Variants in SUCLG2 observed in about 807,000 individuals in gnomAD.
The protein encoded by SUCLG2 is succinate--CoA ligase [GDP-forming] subunit beta, mitochondrial.
In SUCLG2, 42 loss-of-function variants were observed where a neutral mutation model predicts 47.9. The observed-to-expected ratio is 0.88, with a 90% CI of 0.69 to 1.14. SUCLG2 has a LOEUF of 1.14. Among genes scored for constraint, SUCLG2 ranks in the 50% most tolerant of loss-of-function variants. The pLI is 0.00. For synonymous variants in SUCLG2, 195 were observed against 197.3 expected (o/e 0.99, Z 0.10); for missense variants, 571 against 525.9 (o/e 1.09, Z -0.84).
intron 1 of SUCLG2, among the ~76,000 whole-genome samples, chr3:67,647,620 G>A (rs1279450517): frequency 6.6e-6 from 1 of 152,210 alleles, no homozygotes; most frequent in African/African-American, 2.4e-5. Context: ...TTTGATGCAC[G>A]AGGTCCAGCA....
chr3:67,474,664 AAC>A (rs1346759872), intron 9 of SUCLG2, among the ~76,000 whole-genome samples: 1 of 152,236 alleles, frequency 6.6e-6, no homozygotes, highest in Non-Finnish European at 1.5e-5. Flanking sequence ...TTTAAATTTA[AAC>A]ACACACTTTA....
chr3:67,616,896 A>T (rs995361879), intron 1 of SUCLG2, among the ~76,000 whole-genome samples: 3 of 152,232 alleles, frequency 2.0e-5, no homozygotes, highest in Non-Finnish European at 4.4e-5. Flanking sequence ...GAATACAAAC[A>T]AGGAATTAGA....
intron 9 of SUCLG2, among the ~76,000 whole-genome samples, chr3:67,421,912 T>C (rs1436916575): frequency 6.6e-6 from 1 of 152,224 alleles, no homozygotes; most frequent in Non-Finnish European, 1.5e-5. Flanking sequence ...ATTTCGGTTA[T>C]GTTGAGGAGC....
chr3:67,517,715 T>C lies in SUCLG2; in HGVS notation c.660+532A>G, dbSNP rs4076856. 4.4e-3 allele frequency among the ~76,000 whole-genome samples: 677 copies of C among 152,346 alleles called. 8 individuals are homozygous for C. The East Asian group carries it at 0.054, about 12-fold the overall frequency. ...TCAATAAAATATCAAGTTTATGCCA[T>C]CAATATTCATTTCAAATGCCCATTA... On this transcript the variant is annotated intron_variant, in intron 6 of 10. Coordinates refer to ENST00000307227, the MANE Select transcript of SUCLG2 (RefSeq NM_003848.4).
rs113717213 is a variant in SUCLG2, at chr3:67,636,657, G to C, written c.84+17846C>G. 2.7e-3 allele frequency among the ~76,000 whole-genome samples: 401 copies of C among 151,128 alleles called. 2 individuals carry two copies. The highest frequency in any genetic ancestry group is 6.8e-3 in the Admixed American group (103 of 15,194). ...GTGAGCCACTGCACCCAGCCACCTGGCTAATTTTTTTTCTATTTTTAGTAG... is the reference window on the plus strand; with the variant it reads ...GTGAGCCACTGCACCCAGCCACCTGCCTAATTTTTTTTCTATTTTTAGTAG... On this transcript the variant is annotated intron_variant, in intron 1 of 10. Coordinates refer to ENST00000307227, the MANE Select transcript of SUCLG2 (RefSeq NM_003848.4).
intron 2 of SUCLG2, among the ~76,000 whole-genome samples, chr3:67,604,331 T>C (rs1016239648): frequency 5.3e-5 from 8 of 152,218 alleles, no homozygotes; most frequent in African/African-American, 9.6e-5. Flanking sequence ...CTAGTTTTAA[T>C]CCAATCTTCT....
chr3:67,514,529 C>G (rs75419829), intron 6 of SUCLG2, among the ~76,000 whole-genome samples: 4,270 of 152,284 alleles, frequency 0.028, 107 homozygotes, highest in East Asian at 0.11. Flanking sequence ...ACCATCCGAT[C>G]TTTTCATCAG....
intron 10 of SUCLG2, among the ~76,000 whole-genome samples, chr3:67,388,710 CAA>C (rs1702311331): frequency 6.6e-6 from 1 of 152,190 alleles, no homozygotes; most frequent in East Asian, 1.9e-4. Flanking sequence ...CTTTAAGGGA[CAA>C]AAGTCAGTGC....
intron 1 of SUCLG2, among the ~76,000 whole-genome samples, chr3:67,645,431 A>G (rs1488317909): frequency 1.3e-5 from 2 of 152,126 alleles, no homozygotes; most frequent in African/African-American, 4.8e-5. Context: ...CAACCATCCT[A>G]TTCAACACTC....
At chr3:67,625,093 A>T (rs1575825803) in intron 1 of SUCLG2, among the ~76,000 whole-genome samples, 1 of 152,238 alleles carries the variant, frequency 6.6e-6, no homozygotes, top group African/African-American at 2.4e-5. Context: ...AGGAACCCAT[A>T]GTGAAATGCT....
intron 9 of SUCLG2, among the ~76,000 whole-genome samples, chr3:67,483,933 A>C (rs2107023982): frequency 6.6e-6 from 1 of 152,240 alleles, no homozygotes; most frequent in Non-Finnish European, 1.5e-5. Flanking sequence ...TCTCCCTAGA[A>C]CCAAGCTTTG....
intron 7 of SUCLG2, among the ~76,000 whole-genome samples, chr3:67,504,435 A>G (rs1705583686): frequency 6.6e-6 from 1 of 152,194 alleles, no homozygotes; most frequent in East Asian, 1.9e-4. Context: ...TTAACTGTGG[A>G]TCACCCAGCT....
chr3:67,543,576 G>A (rs1347749321), intron 2 of SUCLG2, among the ~76,000 whole-genome samples: 1 of 152,074 alleles, frequency 6.6e-6, no homozygotes, highest in African/African-American at 2.4e-5. Flanking sequence ...GAGGTGGGAG[G>A]ATCCCTTGAG....
chr3:67,496,769 TA>T (rs1202653977), intron 8 of SUCLG2, among the ~76,000 whole-genome samples: 1 of 152,060 alleles, frequency 6.6e-6, no homozygotes, highest in Non-Finnish European at 1.5e-5. Flanking sequence ...TTCTTAAGCT[TA>T]ATTATATAAA....
Position 67,495,830 on chromosome 3 carries a change from G to T in SUCLG2, c.1030C>A (p.Gln344Lys). 5 of 1,614,006 alleles carry T rather than the reference G, an allele frequency of 3.1e-6. No individual in the cohort carries two copies. The highest frequency in any genetic ancestry group is 4.2e-6 in the Non-Finnish European group (5 of 1,179,966). Residue 344 changes from glutamine (Q) to lysine (K), a missense_variant, in exon 9 of 11, where the codon CAA becomes AAA. Physicochemically the swap from Gln to Lys is moderately conservative, Grantham distance 53. Transcript: ENST00000307227. ...TCAGCTGTGAGCAATTTGAATGCTT[G>T]ATATACTTGAGCTTCCTTTACACCA... Reference protein sequence around the residue: ...GGGVKEAQVYQAFKLLTADPK... With the variant: ...GGGVKEAQVYKAFKLLTADPK...
intron 2 of SUCLG2, among the ~76,000 whole-genome samples, chr3:67,541,109 C>CA (rs1392008088): frequency 6.6e-6 from 1 of 152,086 alleles, no homozygotes; most frequent in Non-Finnish European, 1.5e-5. Flanking sequence ...AGAACCAGTA[C>CA]AAAAAGGCTG....
intron 9 of SUCLG2, among the ~76,000 whole-genome samples, chr3:67,493,830 G>A (rs926851773): frequency 5.3e-5 from 8 of 152,190 alleles, no homozygotes; most frequent in Admixed American, 3.3e-4. Context: ...AAGAATAAGT[G>A]AATTAATACA....
intron 1 of SUCLG2, among the ~76,000 whole-genome samples, chr3:67,645,626 T>C (rs1312187780): frequency 1.3e-5 from 2 of 152,138 alleles, no homozygotes; most frequent in East Asian, 3.9e-4. Context: ...GCTTTCAATT[T>C]TAATGATACA....
chr3:67,500,020 T>C (rs1234606687), intron 7 of SUCLG2, among the ~76,000 whole-genome samples: 4 of 152,168 alleles, frequency 2.6e-5, no homozygotes, highest in African/African-American at 9.7e-5. Flanking sequence ...TGTGAGCCAC[T>C]GCACCTGGCC....
Sources: allele counts gnomAD v4.1 joint callset (sites outside exome capture counted in the v4.1 genomes callset), GRCh38; gene constraint gnomAD v4.1.1; transcripts MANE v1.5; gene names NCBI Gene and HGNC (gene_info 2026-07-23, HGNC 2026-07-21).